The following YY1 variants were observed in gnomAD, a reference collection of about 807,000 sequenced individuals.
The protein encoded by YY1 is YY1 transcription factor, also known as transcriptional repressor protein YY1.
A neutral mutation model predicts 35.6 loss-of-function variants in YY1; 2 were observed. The observed-to-expected ratio is 0.06, with a 90% confidence interval of 0.02 to 0.18. The LOEUF (loss-of-function observed/expected upper bound fraction) is 0.18, where lower values mean the gene tolerates loss of function less well. YY1 is among the 10% of genes least tolerant of loss of function. The pLI, the probability that YY1 is intolerant of heterozygous loss-of-function variation, is 1.00. For synonymous variants in YY1, 268 were observed against 238.9 expected (o/e 1.12, Z -1.12); for missense variants, 322 against 573.4 (o/e 0.56, Z 4.48).
chr14:100,276,660 T>C lies in YY1; in HGVS notation c.1062+12T>C, dbSNP rs1346359769. On this transcript the variant is annotated intron_variant, in intron 4 of 4. Transcript: ENST00000262238. The surrounding 1 kb of genome is among the most constrained non-coding windows in gnomAD (Gnocchi z 4.1). ...AGAAGCCCTTTCAGGTAGAGCCAGT[T>C]CCCTCTCTTCCCCACACTGCCTTGC... The C allele has an allele frequency of 1.9e-6, 3 of 1,614,088 alleles. No individual in the cohort carries two copies. The highest frequency in any genetic ancestry group is 2.5e-6 in the Non-Finnish European group (3 of 1,179,990).
In YY1 at chr14:100,277,451, C is replaced by T; in HGVS notation, c.1096C>T (p.Leu366=). The T allele has an allele frequency of 1.9e-6, 3 of 1,614,238 alleles. No homozygotes were observed. The highest frequency in any genetic ancestry group is 2.5e-6 in the Non-Finnish European group (3 of 1,180,054). The part of the protein sequence containing the change: ...TFEGCGKRFS[L]DFNLRTHVRI... ...CGAAGGCTGTGGGAAACGCTTTTCA[C>T]TGGACTTCAATTTGCGCACACATGT... Residue 366 remains leucine (L), a synonymous_variant, in exon 5 of 5, where the codon CTG becomes TTG. Transcript: ENST00000262238. This position sits in a 1 kb window ranked among gnomAD's most constrained non-coding sequence, Gnocchi z 5.6.
intron 1 of YY1, among the ~76,000 whole-genome samples, chr14:100,261,990 A>C (rs1891091981): frequency 6.6e-6 from 1 of 152,206 alleles, no homozygotes; most frequent in African/African-American, 2.4e-5. Context: ...CTCTACAATA[A>C]ATAAAAATAA....
rs1891330797 is a variant in YY1, at chr14:100,277,029, A to G, written c.1062+381A>G. 2.4e-6 allele frequency: 1 copy of G among 413,830 alleles called. No individual in the cohort carries two copies. Among genetic ancestry groups the G allele is most frequent in the East Asian group, 5.0e-5 (1 of 19,828 alleles). 25.6% of individuals were successfully genotyped at this position (413,830 alleles called of 1,614,324 possible). A position where few individuals can be genotyped will look rare whatever the true frequency, so the allele number is the denominator to read the frequency against. On this transcript the variant is annotated intron_variant, in intron 4 of 4. Coordinates refer to ENST00000262238, the MANE Select transcript of YY1 (RefSeq NM_003403.5). This position sits in a 1 kb window ranked among gnomAD's most constrained non-coding sequence, Gnocchi z 5.6. Reference sequence around the variant, plus strand: ...AGTTTCTAGAGTGTAAGTATAGGTAATACTTTAGCCCATAAATAAGTGAAA... The same window carrying G: ...AGTTTCTAGAGTGTAAGTATAGGTAGTACTTTAGCCCATAAATAAGTGAAA...
chr14:100,240,183 C>T (rs1441588215), intron 1 of YY1, among the ~76,000 whole-genome samples: 36 of 145,118 alleles, frequency 2.5e-4, no homozygotes, highest in Non-Finnish European at 2.0e-4. Flanking sequence ...GGGGGAAGCG[C>T]CGCGCGGGGC....
At chr14:100,269,988 C>T (rs1468047884) in intron 2 of YY1, among the ~76,000 whole-genome samples, 1 of 151,942 alleles carries the variant, frequency 6.6e-6, no homozygotes, top group Non-Finnish European at 1.5e-5. Context: ...AGTGGCCAGG[C>T]GCGGTGGCTC....
Position 100,276,781 on chromosome 14 carries a change from ACTT to A in YY1, c.1062+136_1062+138del. ...TTATTACTCCTTGGTGAGAAACAAAACTTCTCCTGGGGAGTCGCTTAGAAGGGT... is the reference window on the plus strand; with the variant it reads ...TTATTACTCCTTGGTGAGAAACAAAACTCCTGGGGAGTCGCTTAGAAGGGT... On this transcript the variant is annotated intron_variant, in intron 4 of 4. Transcript: ENST00000262238. This position sits in a 1 kb window ranked among gnomAD's most constrained non-coding sequence, Gnocchi z 4.1. 7.2e-7 allele frequency: 1 copy of A among 1,390,504 alleles called. No homozygotes were observed. Among genetic ancestry groups the A allele is most frequent in the Non-Finnish European group, 1.0e-6 (1 of 1,004,828 alleles). The allele number at this position is 1,390,504 out of a possible 1,614,324, so 86.1% of individuals were successfully genotyped here.
chr14:100,257,500 ATT>A, intron 1 of YY1, among the ~76,000 whole-genome samples: 1 of 152,236 alleles, frequency 6.6e-6, no homozygotes, highest in South Asian at 2.1e-4. Flanking sequence ...ATGTGATGGT[ATT>A]AGAGGGTAGG....
chr14:100,255,813 A>G (rs1890997404), intron 1 of YY1, among the ~76,000 whole-genome samples: 1 of 152,214 alleles, frequency 6.6e-6, no homozygotes, highest in Non-Finnish European at 1.5e-5. Context: ...TTCTTTAGAC[A>G]GAGCTAGTTG....
At chr14:100,241,685 A>AACTTTTAGT (rs1890745126) in intron 1 of YY1, among the ~76,000 whole-genome samples, 1 of 152,230 alleles carries the variant, frequency 6.6e-6, no homozygotes, top group Non-Finnish European at 1.5e-5. Flanking sequence ...ACTAAAAGTC[A>AACTTTTAGT]TGGTTTTGGC....
chr14:100,247,206 T>C (rs564361048), intron 1 of YY1, among the ~76,000 whole-genome samples: 2 of 152,368 alleles, frequency 1.3e-5, no homozygotes, highest in African/African-American at 4.8e-5. Context: ...AAGGTCAGTC[T>C]GTTTTAAGGC....
Position 100,277,740 on chromosome 14 carries a change from A to T in YY1, c.*140A>T. ...CTACACACCTAAGGGACATGTTTTG[A>T]TAAAGTAGTAAAAATTAAAAAAAAA... On this transcript the variant is annotated 3_prime_UTR_variant, in exon 5 of 5. Coordinates refer to ENST00000262238, the MANE Select transcript of YY1 (RefSeq NM_003403.5). This position sits in a 1 kb window ranked among gnomAD's most constrained non-coding sequence, Gnocchi z 5.6. 1 of 935,944 alleles carries T rather than the reference A, an allele frequency of 1.1e-6. No individual in the cohort carries two copies. Among genetic ancestry groups the T allele is most frequent in the Admixed American group, 2.8e-5 (1 of 35,986 alleles). 58.0% of individuals were successfully genotyped at this position (935,944 alleles called of 1,614,324 possible).
chr14:100,239,896 G>A lies in YY1; in HGVS notation c.652G>A (p.Glu218Lys). Residue 218 changes from glutamate to lysine, a missense_variant, in exon 1 of 5, where the codon GAG becomes AAG. Glu to Lys is a moderately conservative substitution (Grantham distance 56). This residue lies in a region of YY1 where 152 missense variants were observed against 167.1 expected (regional missense o/e 0.91). Coordinates refer to ENST00000262238, the MANE Select transcript of YY1 (RefSeq NM_003403.5). ...KQVQIKTLEGEFSVTMWSSDE... is the reference protein window; with the variant it reads ...KQVQIKTLEGKFSVTMWSSDE... ...GGTGCAGATCAAGACCCTGGAGGGC[G>A]AGTTCTCGGTCACCATGTGGTCCTC... 1 of 1,531,064 alleles carries A rather than the reference G, an allele frequency of 6.5e-7. No individual in the cohort carries two copies. The allele number at this position is 1,531,064 out of a possible 1,614,324, so 94.8% of individuals were successfully genotyped here.
intron 2 of YY1, among the ~76,000 whole-genome samples, 198 bp downstream of exon 2, chr14:100,262,664 T>C (rs1428730404): frequency 6.6e-6 from 1 of 152,220 alleles, no homozygotes; most frequent in African/African-American, 2.4e-5. Flanking sequence ...TTGCCCAGAC[T>C]GGAGTGCAGT....
At position 100,239,779 on chromosome 14, in the gene YY1, A is replaced by C; in HGVS notation, c.535A>C (p.Lys179Gln). 2 of 1,557,152 alleles carry C rather than the reference A, an allele frequency of 1.3e-6. No individual in the cohort carries two copies. Among genetic ancestry groups the C allele is most frequent in the Non-Finnish European group, 1.7e-6 (2 of 1,154,608 alleles). ...GGRVKKGGGKKSGKKSYLSGG... is the reference protein window; with the variant it reads ...GGRVKKGGGKQSGKKSYLSGG... ...CCGCGTCAAGAAGGGCGGCGGCAAGAAGAGCGGCAAGAAGAGTTACCTCAG... is the reference window on the plus strand; with the variant it reads ...CCGCGTCAAGAAGGGCGGCGGCAAGCAGAGCGGCAAGAAGAGTTACCTCAG... Residue 179 changes from lysine (K) to glutamine (Q), a missense_variant, in exon 1 of 5, where the codon AAG (lysine) becomes CAG (glutamine). By Grantham distance (53) the Lys-to-Gln change is moderately conservative (BLOSUM62 1). This residue lies in a region of YY1 where 152 missense variants were observed against 167.1 expected (regional missense o/e 0.91). Coordinates refer to ENST00000262238, the MANE Select transcript of YY1 (RefSeq NM_003403.5).
chr14:100,263,479 G>C (rs1489410470), intron 2 of YY1, among the ~76,000 whole-genome samples: 1 of 152,178 alleles, frequency 6.6e-6, no homozygotes, highest in Non-Finnish European at 1.5e-5. Flanking sequence ...GGTTCTTATA[G>C]AAGCCTACTT....
At chr14:100,240,707 T>A (rs1187491087) in intron 1 of YY1, among the ~76,000 whole-genome samples, 1 of 152,196 alleles carries the variant, frequency 6.6e-6, no homozygotes, top group Non-Finnish European at 1.5e-5. Flanking sequence ...GCCAGCGAAT[T>A]CCTGGCCTTT....
intron 1 of YY1, among the ~76,000 whole-genome samples, chr14:100,243,572 C>T (rs755195774): frequency 5.3e-5 from 8 of 152,056 alleles, no homozygotes; most frequent in Non-Finnish European, 8.8e-5. Context: ...GCAGGAGGAT[C>T]GCTTAAGCCC....
At chr14:100,243,025 C>T (rs1009482617) in intron 1 of YY1, among the ~76,000 whole-genome samples, 5 of 152,136 alleles carry the variant, frequency 3.3e-5, no homozygotes, top group East Asian at 1.9e-4. Flanking sequence ...GCCTGTTTCT[C>T]GGACATGTGT....
chr14:100,251,957 G>A (rs1036468045), intron 1 of YY1, among the ~76,000 whole-genome samples: 1 of 152,174 alleles, frequency 6.6e-6, no homozygotes, highest in African/African-American at 2.4e-5. Flanking sequence ...GAAACCAGGC[G>A]AGGTTAAGAG....
Sources: allele counts gnomAD v4.1 joint callset (sites outside exome capture counted in the v4.1 genomes callset), GRCh38; gene constraint gnomAD v4.1.1; regional missense constraint gnomAD v4.1.1; non-coding constraint Gnocchi (gnomAD v3.1); transcripts MANE v1.5; gene names NCBI Gene and HGNC (gene_info 2026-07-23, HGNC 2026-07-21).